Variants in LY96 observed in about 807,000 individuals in gnomAD.
The protein encoded by LY96 is myeloid differentiation protein-2.
LY96 carries 18 observed loss-of-function variants against 18.9 expected under a neutral mutation model. The observed-to-expected ratio is 0.95, with a 90% CI of 0.66 to 1.41. The LOEUF (loss-of-function observed/expected upper bound fraction) is 1.41, where lower values mean the gene tolerates loss of function less well. Ranked by LOEUF, LY96 falls within the 40% of genes most tolerant of loss-of-function variation. The pLI, the probability that LY96 is intolerant of heterozygous loss-of-function variation, is 0.00. For missense variants in LY96, 175 were observed against 182.4 expected (o/e 0.96, Z 0.23); for synonymous variants, 66 against 62.6 (o/e 1.06, Z -0.26).
At chr8:74,004,133 ATGC>A (rs1277376652) in intron 1 of LY96, among the ~76,000 whole-genome samples, 1 of 152,024 alleles carries the variant, frequency 6.6e-6, no homozygotes, top group Non-Finnish European at 1.5e-5. Flanking sequence ...AGAAATTGGG[ATGC>A]TGGATGCATG....
chr8:74,039,485 G>C, the LY96 span, among the ~76,000 whole-genome samples: 1 of 152,114 alleles, frequency 6.6e-6, no homozygotes, highest in Admixed American at 6.5e-5. Flanking sequence ...AAACAGCTGG[G>C]CCCGGGGGAC....
In LY96 at chr8:74,003,020, T is replaced by G. The variant is rs138897230; in HGVS notation, c.113-1776T>G. Among the ~76,000 whole-genome samples, 229 of 152,384 alleles carry G rather than the reference T, an allele frequency of 1.5e-3. 1 individual carries two copies. The highest frequency in any genetic ancestry group is 2.8e-3 in the Admixed American group (43 of 15,308). Reference sequence around the variant, plus strand: ...TTGTCTGTCAGGTAAATCATATAACTTCATTTCCTTAGTGTAAGTGAGGAA... The same window carrying G: ...TTGTCTGTCAGGTAAATCATATAACGTCATTTCCTTAGTGTAAGTGAGGAA... On this transcript the variant is annotated intron_variant, in intron 1 of 4. Transcript: ENST00000284818.
the LY96 span, among the ~76,000 whole-genome samples, chr8:74,089,356 A>T: frequency 6.6e-6 from 1 of 152,170 alleles, no homozygotes; most frequent in Admixed American, 6.5e-5. Flanking sequence ...AAAAATTATG[A>T]AGGATTTCAA....
the LY96 span, among the ~76,000 whole-genome samples, chr8:74,090,454 T>C: frequency 5.6e-4 from 85 of 152,332 alleles, 1 homozygote; most frequent in East Asian, 0.013. Flanking sequence ...CTATAAGAAA[T>C]AACATTAAAA....
the LY96 span, among the ~76,000 whole-genome samples, chr8:74,083,032 G>A: frequency 6.6e-6 from 1 of 152,108 alleles, no homozygotes; most frequent in Non-Finnish European, 1.5e-5. Flanking sequence ...TTTTGGGGTA[G>A]TGTGTCCTGA....
the LY96 span, among the ~76,000 whole-genome samples, chr8:74,053,007 A>G: frequency 1.3e-5 from 2 of 152,228 alleles, no homozygotes; most frequent in Admixed American, 1.3e-4. Context: ...GTTTAACAGC[A>G]CCATGTGGGA....
At chr8:74,090,921 G>T in the LY96 span, among the ~76,000 whole-genome samples, 1 of 152,180 alleles carries the variant, frequency 6.6e-6, no homozygotes, top group African/African-American at 2.4e-5. Context: ...AGCTGTGCCC[G>T]CATGCTGCAG....
chr8:74,040,555 T>G, the LY96 span, among the ~76,000 whole-genome samples: 1 of 152,212 alleles, frequency 6.6e-6, no homozygotes. Flanking sequence ...TGCTTATGGA[T>G]ATCCAGTTTT....
the LY96 span, among the ~76,000 whole-genome samples, chr8:74,096,936 G>C: frequency 6.6e-6 from 1 of 152,200 alleles, no homozygotes; most frequent in Non-Finnish European, 1.5e-5. Flanking sequence ...TTCTGGGAGA[G>C]AGAAAAAGAG....
the LY96 span, among the ~76,000 whole-genome samples, chr8:74,098,203 C>G: frequency 6.6e-5 from 10 of 152,218 alleles, no homozygotes; most frequent in Admixed American, 6.5e-4. Context: ...AATACTGCCT[C>G]TCAATTCACA....
chr8:74,068,081 A>ATATATATATATAT, the LY96 span, among the ~76,000 whole-genome samples: 65 of 95,358 alleles, frequency 6.8e-4, 1 homozygote, highest in African/African-American at 4.2e-3. Context: ...AAAAAAAAAA[A>ATATATATATATAT]AAAAAAAAAT....
At chr8:74,037,465 C>G in the LY96 span, among the ~76,000 whole-genome samples, 139 of 151,856 alleles carry the variant, frequency 9.2e-4, no homozygotes, top group Non-Finnish European at 1.8e-3. Context: ...CCTGTCTGTA[C>G]AAAAAATAAA....
At chr8:74,097,400 T>G in the LY96 span, among the ~76,000 whole-genome samples, 2,191 of 152,240 alleles carry the variant, frequency 0.014, 57 homozygotes, top group African/African-American at 0.05. Flanking sequence ...TTTTGGAGAA[T>G]AGAAGAGTTG....
chr8:74,051,600 G>A, the LY96 span, among the ~76,000 whole-genome samples: 1 of 152,222 alleles, frequency 6.6e-6, no homozygotes, highest in East Asian at 1.9e-4. Flanking sequence ...AATCCCCACT[G>A]TATGGTATTA....
the LY96 span, chr8:74,079,409 C>T: frequency 6.6e-6 from 1 of 152,126 alleles, no homozygotes; most frequent in East Asian, 1.9e-4. Context: ...ACTAATACAC[C>T]ATCTTCAGGT....
At chr8:73,996,329 C>T (rs555658117) in intron 1 of LY96, among the ~76,000 whole-genome samples, 1 of 122,110 alleles carries the variant, frequency 8.2e-6, no homozygotes, top group African/African-American at 3.3e-5. Context: ...TCCTTCCTTC[C>T]TTCCTTCCTT....
the LY96 span, among the ~76,000 whole-genome samples, chr8:74,040,216 T>C: frequency 1.3e-5 from 2 of 152,258 alleles, no homozygotes; most frequent in Admixed American, 1.3e-4. Flanking sequence ...TGATTGATAA[T>C]GTCCATGATC....
At chr8:74,006,432 A>T (rs1392224573) in intron 2 of LY96, among the ~76,000 whole-genome samples, 1 of 152,188 alleles carries the variant, frequency 6.6e-6, no homozygotes, top group Non-Finnish European at 1.5e-5. Flanking sequence ...TCCTAACCTC[A>T]AGTGATCCAC....
chr8:74,071,485 A>T, the LY96 span, among the ~76,000 whole-genome samples: 1 of 152,150 alleles, frequency 6.6e-6, no homozygotes, highest in African/African-American at 2.4e-5. Flanking sequence ...TAATAAAAAA[A>T]AATTGATAAT....
Sources: gnomAD v4.1 joint callset for allele counts (sites outside exome capture counted in the v4.1 genomes callset) on GRCh38, gnomAD v4.1.1 for gene constraint, MANE v1.5 for transcripts, NCBI Gene and HGNC (gene_info 2026-07-23, HGNC 2026-07-21) for gene names.